Variants in SLC22A15 observed in about 807,000 individuals in gnomAD.
SLC22A15 encodes the protein solute carrier family 22 member 15.
Under a neutral mutation model 62.7 loss-of-function variants are expected in SLC22A15, and 45 were observed. The ratio of observed to expected loss-of-function variants is 0.72; its 90% CI spans 0.56 to 0.92. SLC22A15 has a LOEUF of 0.92. SLC22A15 is among the 40% of genes least tolerant of loss of function. The probability of loss-of-function intolerance (pLI) is 0.00; values close to 1 mark genes in which losing one functional copy is unlikely to be tolerated. For missense variants in SLC22A15, 622 were observed against 665.6 expected (o/e 0.93, Z 0.72); for synonymous variants, 264 against 267.0 (o/e 0.99, Z 0.11).
In SLC22A15 at chr1:115,976,612, C is replaced by T; in HGVS notation, c.-16C>T. The T allele has an allele frequency of 6.4e-7, 1 of 1,563,030 alleles. No homozygotes were observed. Among genetic ancestry groups the T allele is most frequent in the Non-Finnish European group, 8.6e-7 (1 of 1,158,758 alleles). ...AGAGGGCGGTGGGGTGGCGGGGTTC[C>T]TGCGCGCGGCCCGCCATGGAGGTGG... On this transcript the variant is annotated 5_prime_UTR_variant, in exon 1 of 12. Coordinates refer to ENST00000369503, the MANE Select transcript of SLC22A15 (RefSeq NM_018420.3).
At chr1:116,035,815 C>T (rs1223495382) in intron 7 of SLC22A15, among the ~76,000 whole-genome samples, 1 of 152,154 alleles carries the variant, frequency 6.6e-6, no homozygotes, top group Non-Finnish European at 1.5e-5. Context: ...TTTTGCTACT[C>T]ATTGTCAGTG....
intron 2 of SLC22A15, among the ~76,000 whole-genome samples, chr1:116,014,870 C>G (rs1656447096): frequency 6.6e-6 from 1 of 152,032 alleles, no homozygotes; most frequent in South Asian, 2.1e-4. Flanking sequence ...TAAGTATTGA[C>G]CAAAGGGGGA....
chr1:116,026,133 G>T (rs921260134), intron 4 of SLC22A15, among the ~76,000 whole-genome samples: 2 of 152,148 alleles, frequency 1.3e-5, no homozygotes, highest in Non-Finnish European at 2.9e-5. Context: ...AGAAACTTCG[G>T]CTGGGCAAGG....
At chr1:115,977,875 T>G (rs1322595065) in intron 1 of SLC22A15, among the ~76,000 whole-genome samples, 1 of 152,194 alleles carries the variant, frequency 6.6e-6, no homozygotes, top group African/African-American at 2.4e-5. Flanking sequence ...ATTAAAATGT[T>G]TGGAAGTTCA....
intron 1 of SLC22A15, among the ~76,000 whole-genome samples, chr1:115,979,761 A>T (rs1297468463): frequency 6.6e-6 from 1 of 152,148 alleles, no homozygotes; most frequent in Non-Finnish European, 1.5e-5. Context: ...ACATGCAATG[A>T]AAATGGACGT....
At chr1:115,983,888 A>G (rs1654731110) in intron 1 of SLC22A15, among the ~76,000 whole-genome samples, 1 of 152,166 alleles carries the variant, frequency 6.6e-6, no homozygotes, top group South Asian at 2.1e-4. Context: ...ATGCAAAAAC[A>G]GCTGCTCTTT....
chr1:116,027,066 G>A (rs762912577), intron 5 of SLC22A15, 44 bp downstream of exon 5: 6 of 1,587,376 alleles, frequency 3.8e-6, no homozygotes, highest in African/African-American at 1.3e-5. Context: ...AAAAGCCAAA[G>A]CAATGTCTTA....
At chr1:116,040,611 A>G (rs978041424) in intron 8 of SLC22A15, among the ~76,000 whole-genome samples, 7 of 151,888 alleles carry the variant, frequency 4.6e-5, no homozygotes, top group African/African-American at 1.7e-4. Context: ...ACTCTTAGAG[A>G]GATTTTTTTG....
Position 116,035,324 on chromosome 1 carries a change from A to T in SLC22A15, c.1082A>T (p.Lys361Ile), listed in dbSNP as rs779904656. The change falls in exon 7 of 12, where the codon AAA becomes ATA. Residue 361 changes from lysine to isoleucine, a missense_variant. Lys to Ile is a moderately radical substitution (Grantham distance 102). Coordinates refer to ENST00000369503, the MANE Select transcript of SLC22A15 (RefSeq NM_018420.3). Reference protein sequence around the residue: ...YPLCIYLINQKWFGRKRTLSA... With the variant: ...YPLCIYLINQIWFGRKRTLSA... The stretch of plus-strand genomic sequence containing the variant: ...CTCTGTATCTACTTGATTAACCAAA[A>T]ATGGTGAGTAAGTGTGGATGAATAT... The T allele has an allele frequency of 1.2e-6, 2 of 1,611,680 alleles. No homozygotes were observed. The highest frequency in any genetic ancestry group is 2.2e-5 in the South Asian group (2 of 90,658).
chr1:115,984,252 C>T (rs1390531758), intron 1 of SLC22A15, among the ~76,000 whole-genome samples: 1 of 152,154 alleles, frequency 6.6e-6, no homozygotes, highest in Non-Finnish European at 1.5e-5. Context: ...TCTGATTGGG[C>T]TATTGCTTTA....
At chr1:116,005,051 C>A (rs1655909492) in intron 2 of SLC22A15, among the ~76,000 whole-genome samples, 1 of 151,900 alleles carries the variant, frequency 6.6e-6, no homozygotes, top group South Asian at 2.1e-4. Flanking sequence ...GCATTTGTGT[C>A]TTTTTTTCTT....
intron 8 of SLC22A15, among the ~76,000 whole-genome samples, chr1:116,045,794 G>C (rs1277443299): frequency 1.3e-5 from 2 of 148,752 alleles, no homozygotes; most frequent in Non-Finnish European, 3.0e-5. Context: ...AGACAGTACA[G>C]TATTGGCATA....
intron 2 of SLC22A15, among the ~76,000 whole-genome samples, chr1:116,008,048 C>G (rs1557882891): frequency 6.6e-6 from 1 of 152,140 alleles, no homozygotes; most frequent in East Asian, 1.9e-4. Context: ...CCTTGGCTCA[C>G]TGGCAGTGAA....
At chr1:116,063,843 C>G (rs1258562244) in intron 9 of SLC22A15, among the ~76,000 whole-genome samples, 2 of 152,166 alleles carry the variant, frequency 1.3e-5, no homozygotes, top group African/African-American at 4.8e-5. Context: ...CCCTCCCTCC[C>G]TCTCTCCTTC....
intron 4 of SLC22A15, among the ~76,000 whole-genome samples, chr1:116,025,938 G>T (rs1165075641): frequency 6.6e-6 from 1 of 152,154 alleles, no homozygotes; most frequent in African/African-American, 2.4e-5. Flanking sequence ...AAAAGCGTAA[G>T]GTTCTTTACA....
At position 115,976,647 on chromosome 1, in the gene SLC22A15, T is replaced by C; in HGVS notation, c.20T>C (p.Phe7Ser). The C allele has an allele frequency of 6.3e-7, 1 of 1,585,804 alleles. No individual in the cohort carries two copies. The highest frequency in any genetic ancestry group is 8.6e-7 in the Non-Finnish European group (1 of 1,168,406). The stretch of plus-strand genomic sequence containing the variant: ...CCCGCCATGGAGGTGGAGGAGGCGT[T>C]CCAGGCGGTGGGGGAGATGGGCATC... Reference protein sequence around the residue: MEVEEAFQAVGEMGIYQ... With the variant: MEVEEASQAVGEMGIYQ... Residue 7 changes from phenylalanine (F) to serine (S), a missense_variant, in exon 1 of 12, where the codon TTC becomes TCC. Coordinates refer to ENST00000369503, the MANE Select transcript of SLC22A15 (RefSeq NM_018420.3).
chr1:115,993,541 T>G (rs1310137022), intron 2 of SLC22A15, among the ~76,000 whole-genome samples: 1 of 152,012 alleles, frequency 6.6e-6, no homozygotes, highest in Non-Finnish European at 1.5e-5. Context: ...ATAATCCTGC[T>G]TTGGATGAGG....
chr1:115,983,292 A>C (rs982206612), intron 1 of SLC22A15, among the ~76,000 whole-genome samples: 3 of 152,212 alleles, frequency 2.0e-5, no homozygotes, highest in African/African-American at 7.2e-5. Context: ...TCTGATGGAA[A>C]AATACAGAGA....
intron 1 of SLC22A15, among the ~76,000 whole-genome samples, chr1:115,983,861 C>T (rs1185272861): frequency 6.6e-6 from 1 of 152,072 alleles, no homozygotes; most frequent in Non-Finnish European, 1.5e-5. Flanking sequence ...AGGCACCTGC[C>T]CCAACCTGGG....
Sources: gnomAD v4.1 joint callset for allele counts (sites outside exome capture counted in the v4.1 genomes callset) on GRCh38, gnomAD v4.1.1 for gene constraint, MANE v1.5 for transcripts, NCBI Gene and HGNC (gene_info 2026-07-23, HGNC 2026-07-21) for gene names.